SP140: variants seen among roughly 807,000 people sequenced by gnomAD.
The protein encoded by SP140 is nuclear body protein SP140.
Under a neutral mutation model 125.0 loss-of-function variants are expected in SP140, and 81 were observed. The observed-to-expected ratio is 0.65, with a 90% CI of 0.54 to 0.78. The LOEUF is 0.78. SP140 is among the 30% of genes least tolerant of loss of function. SP140 has a pLI of 0.00. For synonymous variants in SP140, 312 were observed against 354.0 expected, an observed-to-expected ratio of 0.88 and a Z score of 1.33; for missense variants, 858 against 1,037.0, an observed-to-expected ratio of 0.83 and a Z score of 2.37.
At chr2:230,243,175 CTA>C (rs2149153477) in intron 4 of SP140, among the ~76,000 whole-genome samples, 1 of 152,294 alleles carries the variant, frequency 6.6e-6, no homozygotes, top group East Asian at 1.9e-4. Flanking sequence ...GAGCCTTTCC[CTA>C]TGTTTTCTCT....
intron 10 of SP140, among the ~76,000 whole-genome samples, chr2:230,251,725 T>C (rs533791937): frequency 2.0e-5 from 3 of 152,320 alleles, no homozygotes; most frequent in Admixed American, 2.0e-4. Flanking sequence ...CTAAATGCTA[T>C]TTTTGACCAA....
At chr2:230,276,973 A>T (rs1375696865) in intron 15 of SP140, among the ~76,000 whole-genome samples, 1 of 152,174 alleles carries the variant, frequency 6.6e-6, no homozygotes, top group African/African-American at 2.4e-5. Context: ...CCTTGAGTGG[A>T]CAAGGAGTTG....
chr2:230,299,772 G>A (rs1295929235), intron 22 of SP140, among the ~76,000 whole-genome samples: 1 of 152,142 alleles, frequency 6.6e-6, no homozygotes, highest in African/African-American at 2.4e-5. Flanking sequence ...TGGCTGTTGG[G>A]CACCACAGCG....
intron 21 of SP140, among the ~76,000 whole-genome samples, chr2:230,294,535 A>G (rs555984654): frequency 6.6e-6 from 1 of 152,350 alleles, no homozygotes; most frequent in East Asian, 1.9e-4. Context: ...CAACCATTTC[A>G]TATGAAGATG....
At chr2:230,285,915 T>G in intron 17 of SP140, 83 bp downstream of exon 17, 1 of 1,039,206 alleles carries the variant, frequency 9.6e-7, no homozygotes, top group Non-Finnish European at 1.5e-6. Flanking sequence ...TAGATCCACC[T>G]TAATTGTTTA....
At chr2:230,316,001 G>A (rs1349104512), downstream of SP140, among the ~76,000 whole-genome samples, 1 of 152,210 alleles carries the variant, frequency 6.6e-6, no homozygotes, top group Non-Finnish European at 1.5e-5. Context: ...TGTAGGTTGA[G>A]AAGCAATTCA....
At chr2:230,202,131 GA>G (rs1299402071), upstream of SP140, among the ~76,000 whole-genome samples, 1 of 151,994 alleles carries the variant, frequency 6.6e-6, no homozygotes, top group Non-Finnish European at 1.5e-5. Context: ...TTTTGTTTTA[GA>G]AAATATATTT....
intron 11 of SP140, 115 bp from the exon 12 acceptor site, chr2:230,255,337 G>A (rs2050998672): frequency 4.1e-6 from 5 of 1,209,194 alleles, no homozygotes; most frequent in African/African-American, 1.5e-5. Flanking sequence ...CCTGGGTGGG[G>A]GACAGCCCTA....
chr2:230,202,313 G>C (rs2043261555), upstream of SP140, among the ~76,000 whole-genome samples: 1 of 152,120 alleles, frequency 6.6e-6, no homozygotes, highest in Non-Finnish European at 1.5e-5. Flanking sequence ...ATTTTTGAGA[G>C]CATAAAGGAG....
At chr2:230,247,246 C>G (rs2049595174) in intron 7 of SP140, among the ~76,000 whole-genome samples, 1 of 152,156 alleles carries the variant, frequency 6.6e-6, no homozygotes, top group African/African-American at 2.4e-5. Flanking sequence ...GGATGTTTTT[C>G]AGGAACCTCA....
At chr2:230,299,911 A>G (rs1397312102) in intron 22 of SP140, among the ~76,000 whole-genome samples, 1 of 152,050 alleles carries the variant, frequency 6.6e-6, no homozygotes, top group African/African-American at 2.4e-5. Flanking sequence ...ACATAAATCC[A>G]TTGGCCTGCA....
At chr2:230,214,570 A>C (rs548466994) in intron 3 of SP140, among the ~76,000 whole-genome samples, 1 of 152,224 alleles carries the variant, frequency 6.6e-6, no homozygotes, top group East Asian at 1.9e-4. Flanking sequence ...AAAGATACTT[A>C]TTATTATCCG....
In SP140 at chr2:230,226,297, C is replaced by T. The variant is rs985863666; in HGVS notation, c.59+394C>T. Among the ~76,000 whole-genome samples, 10 of 152,280 alleles carry T rather than the reference C, an allele frequency of 6.6e-5. No individual in the cohort carries two copies. In the East Asian group the frequency reaches 1.5e-3, roughly 24 times the overall value. ...CTTTTTAGAAGAATTAAAATCCAAA[C>T]GCCTGTCTGTTGTCACACTTTCCAG... On this transcript the variant is annotated intron_variant, in intron 1 of 26. Transcript: ENST00000392045.
At position 230,211,354 on chromosome 2, in the gene SP140, G is replaced by A; in HGVS notation, c.-322-2300G>A. The A allele has an allele frequency of 1.3e-6, 1 of 764,252 alleles. No homozygotes were observed. Among genetic ancestry groups the A allele is most frequent in the Non-Finnish European group, 2.4e-6 (1 of 423,746 alleles). The allele number at this position is 764,252 out of a possible 1,614,324, so 47.3% of individuals were successfully genotyped here. On this transcript the variant is annotated intron_variant, in intron 1 of 4. Coordinates refer to the SP140 transcript ENST00000456542. This position sits in a 1 kb window ranked among gnomAD's most constrained non-coding sequence, Gnocchi z 4.2. The stretch of plus-strand genomic sequence containing the variant: ...AAGTGCTGGGTGAACTGGAAGCTGG[G>A]CCAAGATTGCTGAGAGGCAGGAGGA...
At chr2:230,271,797 C>T (rs2053970838) in intron 15 of SP140, among the ~76,000 whole-genome samples, 1 of 152,182 alleles carries the variant, frequency 6.6e-6, no homozygotes, top group South Asian at 2.1e-4. Context: ...AGGAGATTCA[C>T]TGTCAGGGAC....
At chr2:230,277,749 T>C (rs1008321224) in intron 15 of SP140, among the ~76,000 whole-genome samples, 2 of 152,180 alleles carry the variant, frequency 1.3e-5, no homozygotes, top group African/African-American at 4.8e-5. Flanking sequence ...CATTTATTGG[T>C]ATATGATGTG....
chr2:230,294,724 T>C (rs2057507843), intron 21 of SP140, among the ~76,000 whole-genome samples: 1 of 152,252 alleles, frequency 6.6e-6, no homozygotes, highest in Admixed American at 6.5e-5. Flanking sequence ...GTTACTATTT[T>C]CTAACTTTAG....
chr2:230,199,356 C>T (rs2043029474), upstream of SP140, among the ~76,000 whole-genome samples: 1 of 151,092 alleles, frequency 6.6e-6, no homozygotes, highest in Middle Eastern at 3.2e-3. Context: ...TTACAGGCGC[C>T]CACCACCACG....
chr2:230,212,240 T>C (rs2148921876), intron 1 of SP140: 1 of 814,644 alleles, frequency 1.2e-6, no homozygotes, highest in Non-Finnish European at 2.1e-6. Flanking sequence ...TTTGTATTGC[T>C]CAGTTCTTTT....
Sources: allele counts gnomAD v4.1 joint callset (sites outside exome capture counted in the v4.1 genomes callset), GRCh38; gene constraint gnomAD v4.1.1; non-coding constraint Gnocchi (gnomAD v3.1); transcripts MANE v1.5; gene names NCBI Gene and HGNC (gene_info 2026-07-23, HGNC 2026-07-21).